WARS1: variants seen among roughly 807,000 people sequenced by gnomAD.
The protein encoded by WARS1 is tryptophan--tRNA ligase, cytoplasmic.
WARS1 carries 17 observed loss-of-function variants against 47.8 expected under a neutral mutation model. The observed-to-expected ratio is 0.36, with a 90% confidence interval of 0.24 to 0.53. The LOEUF is 0.53. Ranked by LOEUF, WARS1 falls within the 20% of genes least tolerant of loss-of-function variation. The pLI is 0.91. For missense variants in WARS1, 434 were observed against 608.0 expected (o/e 0.71, Z 3.01); for synonymous variants, 208 against 228.1 (o/e 0.91, Z 0.79).
chr14:100,354,223 G>A, intron 5 of WARS1: 1 of 559,196 alleles, frequency 1.8e-6, no homozygotes, highest in South Asian at 2.5e-5. Flanking sequence ...ATGAGAAGAG[G>A]AGCAGGCCTG....
intron 2 of WARS1, chr14:100,368,533 AG>A: frequency 2.2e-6 from 1 of 455,004 alleles, no homozygotes; most frequent in Non-Finnish European, 4.4e-6. Flanking sequence ...CATAACCAAA[AG>A]ATCGGCTAAA....
chr14:100,344,681 T>C (rs1234517998), intron 7 of WARS1, among the ~76,000 whole-genome samples: 9 of 138,574 alleles, frequency 6.5e-5, no homozygotes, highest in East Asian at 2.2e-4. Context: ...AAGTGAGGAG[T>C]GTCTCTGCCC....
chr14:100,337,409 T>G (rs1893821174), intron 9 of WARS1, among the ~76,000 whole-genome samples: 1 of 152,120 alleles, frequency 6.6e-6, no homozygotes. Flanking sequence ...TGTGAGCTAC[T>G]GTGGGGCTCA....
chr14:100,351,168 T>C (rs1243205065), intron 6 of WARS1, among the ~76,000 whole-genome samples: 1 of 151,344 alleles, frequency 6.6e-6, no homozygotes, highest in Non-Finnish European at 1.5e-5. Context: ...TAGCTCTGAG[T>C]TTTAGGGAGA....
At chr14:100,339,695 T>C (rs1894030628) in intron 9 of WARS1, 1 of 152,036 alleles carries the variant, frequency 6.6e-6, no homozygotes, top group Non-Finnish European at 1.5e-5. Context: ...TGGTGTCTCC[T>C]AGCATCTAAG....
Position 100,361,772 on chromosome 14 carries a change from A to G in WARS1, c.249T>C (p.Asp83=). ...TCTGTACTGTCCATGGGTCCACAAA[A>G]TCCTCTTCAGCTTCTGTGGCATCTG... is the stretch of plus-strand genomic sequence containing the variant. ...HGPDATEAEE[D]FVDPWTVQTS... The change falls in exon 3 of 11, where the codon GAT becomes GAC. Residue 83 remains aspartate (D), a synonymous_variant. Transcript: ENST00000392882. 1 of 1,614,094 alleles carries G rather than the reference A, an allele frequency of 6.2e-7. No individual in the cohort carries two copies. Among genetic ancestry groups the G allele is most frequent in the African/African-American group, 1.3e-5 (1 of 74,992 alleles).
At chr14:100,354,989 G>A (rs760020140) in intron 4 of WARS1, among the ~76,000 whole-genome samples, 1 of 152,142 alleles carries the variant, frequency 6.6e-6, no homozygotes. Flanking sequence ...AGACAGTCCT[G>A]GCTTAGCAGG....
At chr14:100,340,723 T>A (rs764740453) in intron 9 of WARS1, among the ~76,000 whole-genome samples, 3 of 152,042 alleles carry the variant, frequency 2.0e-5, no homozygotes, top group Non-Finnish European at 4.4e-5. Flanking sequence ...GGAGCTGAAG[T>A]CGGGCACGGG....
intron 7 of WARS1, among the ~76,000 whole-genome samples, chr14:100,344,748 T>C: frequency 7.3e-6 from 1 of 136,078 alleles, no homozygotes; most frequent in African/African-American, 2.9e-5. Context: ...CCGTCTGGGA[T>C]GTGAGGAGCG....
At chr14:100,368,282 C>T in intron 2 of WARS1, 2 of 344,162 alleles carry the variant, frequency 5.8e-6, no homozygotes, top group Non-Finnish European at 1.2e-5. Context: ...AAAAGCTGGG[C>T]GAGAAAGTTA....
Position 100,358,060 on chromosome 14 carries a change from T to C in WARS1, c.422+2494A>G, listed in dbSNP as rs190147287. Among the ~76,000 whole-genome samples the C allele has an allele frequency of 2.0e-3, 298 of 152,302 alleles. 3 individuals are homozygous for C. The highest frequency in any genetic ancestry group is 7.0e-3 in the African/African-American group (289 of 41,562). Reference sequence around the variant, plus strand: ...GCTGCTTTTGCAGAAATGGAAAAGCTGAAATTCATATGGAAATGCAAGGGG... The same window carrying C: ...GCTGCTTTTGCAGAAATGGAAAAGCCGAAATTCATATGGAAATGCAAGGGG... On this transcript the variant is annotated intron_variant, in intron 4 of 10. Coordinates refer to ENST00000392882, the MANE Select transcript of WARS1 (RefSeq NM_004184.4).
chr14:100,335,832 G>A (rs1007417930), intron 10 of WARS1, among the ~76,000 whole-genome samples: 17 of 152,118 alleles, frequency 1.1e-4, no homozygotes, highest in Non-Finnish European at 2.5e-4. Flanking sequence ...TGGGTCTCCC[G>A]CTAACATTTG....
chr14:100,367,588 G>A (rs1282900349), intron 2 of WARS1, among the ~76,000 whole-genome samples: 5 of 143,400 alleles, frequency 3.5e-5, no homozygotes, highest in South Asian at 2.3e-4. Context: ...ATTCCATCTC[G>A]GGGGGCGGGG....
At chr14:100,368,551 G>T (rs1238046173) in intron 2 of WARS1, 1 of 451,964 alleles carries the variant, frequency 2.2e-6, no homozygotes, top group Non-Finnish European at 4.5e-6. Context: ...TAAAAGAATT[G>T]AGCAGGAAAT....
At chr14:100,338,662 A>C (rs1212884870) in intron 9 of WARS1, among the ~76,000 whole-genome samples, 1 of 144,866 alleles carries the variant, frequency 6.9e-6, no homozygotes, top group Non-Finnish European at 1.5e-5. Context: ...TTGAACTCCC[A>C]ACCTCAGGTG....
chr14:100,343,849 G>A (rs1424659726), intron 7 of WARS1, among the ~76,000 whole-genome samples: 4 of 152,060 alleles, frequency 2.6e-5, no homozygotes, highest in African/African-American at 9.7e-5. Flanking sequence ...TGGCCAGCAT[G>A]GTCTCAATCT....
chr14:100,365,681 T>C (rs938635136), intron 2 of WARS1: 8 of 183,228 alleles, frequency 4.4e-5, no homozygotes, highest in Non-Finnish European at 9.3e-5. Flanking sequence ...AAGATGCGTA[T>C]TGATGATGAT....
At chr14:100,350,797 G>A (rs1326467009) in intron 6 of WARS1, among the ~76,000 whole-genome samples, 1 of 152,202 alleles carries the variant, frequency 6.6e-6, no homozygotes, top group Non-Finnish European at 1.5e-5. Flanking sequence ...TACCAGATGT[G>A]GCAGAGGTAA....
chr14:100,354,559 T>A lies in WARS1; in HGVS notation c.430A>T (p.Asn144Tyr). Residue 144 changes from asparagine (N) to tyrosine (Y), a missense_variant, in exon 5 of 11, where the codon AAT (asparagine) becomes TAT (tyrosine). Physicochemically the swap from Asn to Tyr is moderately radical, Grantham distance 143. This residue lies in a region of WARS1 where 347 missense variants were observed against 523.8 expected (regional missense o/e 0.66). Coordinates refer to ENST00000392882, the MANE Select transcript of WARS1 (RefSeq NM_004184.4). The stretch of plus-strand genomic sequence containing the variant: ...TTTTCATAGGCATCAAGAACCTGAT[T>A]CATATCTCTAAAGGAAAAAGGAGAA... Reference protein sequence around the residue: ...RGIFFSHRDMNQVLDAYENKK... With the variant: ...RGIFFSHRDMYQVLDAYENKK... 6.2e-7 allele frequency: 1 copy of A among 1,611,198 alleles called. No homozygotes were observed. The highest frequency in any genetic ancestry group is 8.5e-7 in the Non-Finnish European group (1 of 1,179,014).
Sources: gnomAD v4.1 joint callset for allele counts (sites outside exome capture counted in the v4.1 genomes callset) on GRCh38, gnomAD v4.1.1 for gene constraint, gnomAD v4.1.1 regional missense constraint, MANE v1.5 for transcripts, NCBI Gene and HGNC (gene_info 2026-07-23, HGNC 2026-07-21) for gene names.